Variants in KCNB2 observed in about 807,000 individuals in gnomAD.
The protein encoded by KCNB2 is delayed rectifier potassium channel protein.
KCNB2 carries 15 observed loss-of-function variants against 61.5 expected under a neutral mutation model. The ratio of observed to expected loss-of-function variants is 0.24; its 90% CI spans 0.16 to 0.38. KCNB2 has a LOEUF of 0.38. Ranked by LOEUF, KCNB2 falls within the 10% of genes least tolerant of loss-of-function variation. The probability of loss-of-function intolerance (pLI) is 1.00; values close to 1 mark genes in which losing one functional copy is unlikely to be tolerated. For synonymous variants in KCNB2, 457 were observed against 446.0 expected (o/e 1.02, Z -0.31); for missense variants, 828 against 1,125.2 (o/e 0.74, Z 3.78).
intron 2 of KCNB2, among the ~76,000 whole-genome samples, chr8:72,605,834 AT>A (rs577222335): frequency 2.3e-3 from 357 of 152,344 alleles, no homozygotes; most frequent in Non-Finnish European, 4.0e-3. Flanking sequence ...TTATAGGAAT[AT>A]AAAAATCATA....
chr8:72,850,541 T>C (rs1302951550), intron 2 of KCNB2, among the ~76,000 whole-genome samples: 3 of 152,116 alleles, frequency 2.0e-5, no homozygotes, highest in African/African-American at 7.2e-5. Context: ...TTTAATAAAT[T>C]GCAAAAAGCC....
chr8:72,803,820 T>C (rs1363737322), intron 2 of KCNB2, among the ~76,000 whole-genome samples: 4 of 152,210 alleles, frequency 2.6e-5, no homozygotes, highest in African/African-American at 9.6e-5. Context: ...TCTTCTGGGC[T>C]GCTGGGATAA....
At chr8:72,789,825 T>C (rs1237486643) in intron 2 of KCNB2, among the ~76,000 whole-genome samples, 1 of 151,924 alleles carries the variant, frequency 6.6e-6, no homozygotes, top group Non-Finnish European at 1.5e-5. Flanking sequence ...TTCACCACTA[T>C]AGTAGGCCAA....
rs143403990 is a variant in KCNB2 at position 72,710,504 on chromosome 8, G to A, written c.579+142191G>A. Among the ~76,000 whole-genome samples the A allele has an allele frequency of 2.2e-3, 330 of 152,208 alleles. 2 individuals carry two copies. Among genetic ancestry groups the A allele is most frequent in the African/African-American group, 5.0e-3 (209 of 41,536 alleles). ...ACTAAAGAAGGGTATGTGTGTTTGC[G>A]TATGTGTGTGTTGAGGAAGAGCAAA... is the stretch of plus-strand genomic sequence containing the variant. On this transcript the variant is annotated intron_variant, in intron 2 of 2. Transcript: ENST00000523207.
At chr8:72,706,977 G>A (rs1473340866) in intron 2 of KCNB2, among the ~76,000 whole-genome samples, 2 of 152,106 alleles carry the variant, frequency 1.3e-5, no homozygotes, top group African/African-American at 4.8e-5. Context: ...GATCAGCTCT[G>A]GGACTTCTTT....
chr8:72,893,763 C>A (rs1486100187), intron 2 of KCNB2, among the ~76,000 whole-genome samples: 1 of 152,102 alleles, frequency 6.6e-6, no homozygotes, highest in Non-Finnish European at 1.5e-5. Flanking sequence ...AACTTAAAAG[C>A]CAAATGTTTT....
At chr8:72,627,766 C>T (rs1386600525) in intron 2 of KCNB2, among the ~76,000 whole-genome samples, 1 of 152,218 alleles carries the variant, frequency 6.6e-6, no homozygotes, top group East Asian at 1.9e-4. Context: ...TCCTTCCATA[C>T]TTCATAATGA....
intron 2 of KCNB2, among the ~76,000 whole-genome samples, chr8:72,841,372 C>CTTTTTTTT (rs769263287): frequency 1.5e-3 from 53 of 34,236 alleles, no homozygotes; most frequent in African/African-American, 3.8e-3. Context: ...TTTTTTTTTT[C>CTTTTTTTT]TTTTTTTTTT....
intron 2 of KCNB2, among the ~76,000 whole-genome samples, chr8:72,767,606 C>T (rs1310925309): frequency 2.0e-5 from 3 of 152,194 alleles, no homozygotes; most frequent in African/African-American, 4.8e-5. Flanking sequence ...GGTTATACTA[C>T]ATCTTATTTA....
intron 2 of KCNB2, chr8:72,618,819 T>G (rs953901919): frequency 2.2e-5 from 5 of 230,734 alleles, no homozygotes; most frequent in Non-Finnish European, 4.4e-5. Flanking sequence ...AAGAGATGGA[T>G]TCAGCATTAA....
Position 72,561,737 on chromosome 8 carries a change from A to ACG in KCNB2, c.-93-5905_-93-5904insCG, listed in dbSNP as rs1206687067. Among the ~76,000 whole-genome samples the ACG allele has an allele frequency of 1.0e-4, 3 of 28,778 alleles. 1 individual carries two copies. The East Asian group carries it at 4.2e-3, about 40-fold the overall frequency. 18.9% of individuals were successfully genotyped at this position (28,778 alleles called of 152,430 possible). On this transcript the variant is annotated intron_variant, in intron 1 of 2. Transcript: ENST00000523207. ...TATATATATATATATATCTATATCT[A>ACG]TATATATATGTATATATATATATGG...
chr8:72,912,289 A>T (rs776472919), intron 2 of KCNB2, among the ~76,000 whole-genome samples: 21 of 152,144 alleles, frequency 1.4e-4, no homozygotes, highest in Non-Finnish European at 2.4e-4. Flanking sequence ...TCAGGTGTTC[A>T]GAAGATGACT....
At chr8:72,719,401 C>G (rs1585851220) in intron 2 of KCNB2, among the ~76,000 whole-genome samples, 1 of 152,146 alleles carries the variant, frequency 6.6e-6, no homozygotes, top group African/African-American at 2.4e-5. Flanking sequence ...TCTACTTTGT[C>G]TATCTTTTAA....
At chr8:72,639,190 A>G (rs559384224) in intron 2 of KCNB2, among the ~76,000 whole-genome samples, 3 of 152,256 alleles carry the variant, frequency 2.0e-5, no homozygotes, top group African/African-American at 7.2e-5. Context: ...ACTGATGAAC[A>G]CATCTTCCCC....
intron 2 of KCNB2, among the ~76,000 whole-genome samples, chr8:72,645,105 C>T (rs1436166362): frequency 6.6e-6 from 1 of 152,076 alleles, no homozygotes; most frequent in African/African-American, 2.4e-5. Flanking sequence ...TGATGCAGTC[C>T]ATTGCCAATG....
At chr8:72,587,287 A>G (rs914998741) in intron 2 of KCNB2, among the ~76,000 whole-genome samples, 2 of 152,186 alleles carry the variant, frequency 1.3e-5, no homozygotes, top group African/African-American at 2.4e-5. Flanking sequence ...TCTTGAAGAC[A>G]GGGAGTATAG....
intron 1 of KCNB2, among the ~76,000 whole-genome samples, chr8:72,538,424 C>A (rs1806146450): frequency 6.6e-6 from 1 of 152,076 alleles, no homozygotes; most frequent in South Asian, 2.1e-4. Flanking sequence ...TGAATAGCAC[C>A]AAAAGACATC....
chr8:72,615,815 G>A (rs1805611022), intron 2 of KCNB2, among the ~76,000 whole-genome samples: 1 of 152,218 alleles, frequency 6.6e-6, no homozygotes, highest in African/African-American at 2.4e-5. Context: ...GAAATAAATA[G>A]ATGAAGGAAG....
intron 2 of KCNB2, among the ~76,000 whole-genome samples, chr8:72,837,280 C>T (rs1385973609): frequency 6.6e-6 from 1 of 152,196 alleles, no homozygotes; most frequent in African/African-American, 2.4e-5. Context: ...TCCAGAGGTG[C>T]CACCTACAGT....
Sources: gnomAD v4.1 joint callset for allele counts (sites outside exome capture counted in the v4.1 genomes callset) on GRCh38, gnomAD v4.1.1 for gene constraint, MANE v1.5 for transcripts, NCBI Gene and HGNC (gene_info 2026-07-23, HGNC 2026-07-21) for gene names.